TAF5L: variants seen among roughly 807,000 people sequenced by gnomAD.
The protein encoded by TAF5L is TATA-box binding protein associated factor 5 like, also known as TAF5-like RNA polymerase II p300/CBP-associated factor-associated factor 65 kDa subunit 5L.
TAF5L carries 7 observed loss-of-function variants against 51.3 expected under a neutral mutation model. The ratio of observed to expected loss-of-function variants is 0.14; its 90% CI spans 0.08 to 0.26. The LOEUF (loss-of-function observed/expected upper bound fraction) is 0.26. Ranked by LOEUF, TAF5L falls within the 10% of genes least tolerant of loss-of-function variation. The probability of loss-of-function intolerance (pLI) is 1.00; values close to 1 mark genes in which losing one functional copy is unlikely to be tolerated. For synonymous variants in TAF5L, 291 were observed against 308.1 expected (o/e 0.94, Z 0.58); for missense variants, 575 against 758.9 (o/e 0.76, Z 2.85).
intron 3 of TAF5L, among the ~76,000 whole-genome samples, chr1:229,608,099 A>G (rs1664659336): frequency 6.6e-6 from 1 of 152,238 alleles, no homozygotes; most frequent in Non-Finnish European, 1.5e-5. Flanking sequence ...ACAGTAATCA[A>G]TATATAAACC....
intron 1 of TAF5L, among the ~76,000 whole-genome samples, chr1:229,621,093 G>C (rs1317490962): frequency 2.0e-5 from 3 of 152,162 alleles, no homozygotes; most frequent in African/African-American, 7.2e-5. Flanking sequence ...CACAACAGTA[G>C]TCACTGGCCA....
chr1:229,618,793 G>A (rs915328132), intron 1 of TAF5L, among the ~76,000 whole-genome samples: 1 of 152,044 alleles, frequency 6.6e-6, no homozygotes, highest in Non-Finnish European at 1.5e-5. Flanking sequence ...GGTCGGTAGA[G>A]GAGGGCTGGG....
chr1:229,614,215 C>A (rs985538592), intron 2 of TAF5L, 126 bp downstream of exon 2: 6 of 1,512,272 alleles, frequency 4.0e-6, no homozygotes, highest in Non-Finnish European at 5.5e-6. Flanking sequence ...ACGTAGCTCA[C>A]TGAGGTTTTT....
rs1335491398 is a variant in TAF5L at position 229,625,657 on chromosome 1, G to A, written c.-4+228C>T. The stretch of plus-strand genomic sequence containing the variant: ...GCCGCCGACTGCAGGCCACGCCGCC[G>A]GCCGCAGCCCGGGACTCGGGAGGCC... On this transcript the variant is annotated intron_variant, in intron 1 of 4. Coordinates refer to ENST00000258281, the Ensembl canonical transcript of TAF5L. This position sits in a 1 kb window ranked among gnomAD's most constrained non-coding sequence, Gnocchi z 4.0. Among the ~76,000 whole-genome samples, 3 of 150,574 alleles carry A rather than the reference G, an allele frequency of 2.0e-5. No homozygotes were observed. Among genetic ancestry groups the A allele is most frequent in the South Asian group, 2.1e-4 (1 of 4,800 alleles).
exon 3 of TAF5L, chr1:229,610,166 A>C (rs1664736732): frequency 6.2e-7 from 1 of 1,614,156 alleles, no homozygotes; most frequent in East Asian, 2.2e-5. Context: ...TCTGCCTGGC[A>C]AGGGGCTGCA....
chr1:229,594,564 G>C lies in TAF5L; in HGVS notation c.1503C>G (p.Thr501=), dbSNP rs1664046144. Residue 501 remains threonine (T), a synonymous_variant, in exon 5 of 5, where the codon ACC becomes ACG. Coordinates refer to ENST00000258281, the Ensembl canonical transcript of TAF5L. The surrounding 1 kb of genome is among the most constrained non-coding windows in gnomAD (Gnocchi z 7.9). ...TGTGGCCTCTCAACTCTTTATAAAGGGTCCCAGAGGCCAAGTCCCACAGCT... is the reference window on the plus strand; with the variant it reads ...TGTGGCCTCTCAACTCTTTATAAAGCGTCCCAGAGGCCAAGTCCCACAGCT... 6.2e-7 allele frequency: 1 copy of C among 1,613,996 alleles called. No homozygotes were observed. Among genetic ancestry groups the C allele is most frequent in the African/African-American group, 1.3e-5 (1 of 74,916 alleles).
At chr1:229,600,571 C>T (rs1664334089) in intron 4 of TAF5L, 1 of 985,490 alleles carries the variant, frequency 1.0e-6, no homozygotes, top group African/African-American at 1.7e-5. Context: ...TTTGCCACTG[C>T]CACTACCCTA....
intron 1 of TAF5L, among the ~76,000 whole-genome samples, chr1:229,616,159 C>T (rs1033227679): frequency 1.3e-5 from 2 of 151,668 alleles, no homozygotes; most frequent in African/African-American, 4.8e-5. Context: ...GATTACAGGC[C>T]CACGCTACCA....
At position 229,601,690 on chromosome 1, in the gene TAF5L, T is replaced by C. The variant is rs1357530727; in HGVS notation, c.972+505A>G. 21 of 992,028 alleles carry C rather than the reference T, an allele frequency of 2.1e-5. 1 individual carries two copies. The African/African-American group carries it at 2.8e-4, about 13-fold the overall frequency. The allele number at this position is 992,028 out of a possible 1,614,324, so 61.5% of individuals were successfully genotyped here. A position where few individuals can be genotyped will look rare whatever the true frequency, so the allele number is the denominator to read the frequency against. The stretch of plus-strand genomic sequence containing the variant: ...ATATGCACTGGCCTCAGAAAGCCAA[T>C]ACCATCCATCCAGTGTGGTGAGGGT... On this transcript the variant is annotated intron_variant, in intron 4 of 4. Transcript: ENST00000258281.
In TAF5L at chr1:229,594,850, C is replaced by A; in HGVS notation, c.1217G>T (p.Arg406Leu). Residue 406 changes from arginine (R) to leucine (L), a missense_variant, in exon 5 of 5, where the codon CGC (arginine) becomes CTC (leucine). Arg to Leu is a moderately radical substitution (Grantham distance 102). This residue lies in a region of TAF5L where 104 missense variants were observed against 218.3 expected (regional missense o/e 0.48). Transcript: ENST00000258281. This position sits in a 1 kb window ranked among gnomAD's most constrained non-coding sequence, Gnocchi z 7.9. ...ATCAAATGACCACAGCCTGGCGGTGCGGTCGTGGGACCCGCTGGCGAAGTA... is the reference window on the plus strand; with the variant it reads ...ATCAAATGACCACAGCCTGGCGGTGAGGTCGTGGGACCCGCTGGCGAAGTA... 6.2e-7 allele frequency: 1 copy of A among 1,614,218 alleles called. No homozygotes were observed. The highest frequency in any genetic ancestry group is 8.5e-7 in the Non-Finnish European group (1 of 1,180,040).
At chr1:229,603,563 C>T (rs1332022259) in intron 3 of TAF5L, among the ~76,000 whole-genome samples, 1 of 152,172 alleles carries the variant, frequency 6.6e-6, no homozygotes, top group African/African-American at 2.4e-5. Context: ...ACATGACAGC[C>T]TTCATTAACA....
At chr1:229,596,884 C>A (rs1379443450) in intron 4 of TAF5L, among the ~76,000 whole-genome samples, 2 of 152,044 alleles carry the variant, frequency 1.3e-5, no homozygotes, top group Non-Finnish European at 2.9e-5. Flanking sequence ...TTTTTTTCTA[C>A]TTGAAAATAG....
rs530253148 is a variant in TAF5L, at chr1:229,606,796, T to G, written c.247+3310A>C. The G allele has an allele frequency of 2.8e-5, 28 of 985,302 alleles. No individual in the cohort carries two copies. In the Admixed American group the frequency reaches 3.7e-4, roughly 13 times the overall value. 61.0% of individuals were successfully genotyped at this position (985,302 alleles called of 1,614,324 possible). A position where few individuals can be genotyped will look rare whatever the true frequency, so the allele number is the denominator to read the frequency against. The stretch of plus-strand genomic sequence containing the variant: ...CCAGAGGTTGCTTGACTCCAAAGGC[T>G]GTGTTCTTCCCACTACACCTCCTGA... On this transcript the variant is annotated intron_variant, in intron 3 of 4. Transcript: ENST00000258281.
chr1:229,620,197 C>T (rs1217379282), intron 1 of TAF5L, among the ~76,000 whole-genome samples: 1 of 152,076 alleles, frequency 6.6e-6, no homozygotes. Flanking sequence ...GCTACCCCAT[C>T]TTGACTGTTT....
chr1:229,605,882 C>A (rs975310557), intron 3 of TAF5L, among the ~76,000 whole-genome samples: 4 of 152,210 alleles, frequency 2.6e-5, no homozygotes, highest in African/African-American at 9.6e-5. Flanking sequence ...TGGAACAATT[C>A]CTTAAAGTAA....
intron 4 of TAF5L, chr1:229,600,877 CA>C: frequency 1.0e-6 from 1 of 984,832 alleles, no homozygotes; most frequent in Non-Finnish European, 1.2e-6. Context: ...GAATAATCTC[CA>C]AACTCTGTAT....
chr1:229,615,085 T>C (rs1664931191), intron 1 of TAF5L, among the ~76,000 whole-genome samples: 2 of 152,288 alleles, frequency 1.3e-5, no homozygotes, highest in Non-Finnish European at 2.9e-5. Flanking sequence ...TTTTATTTCA[T>C]TTTATTTATT....
intron 3 of TAF5L, among the ~76,000 whole-genome samples, chr1:229,608,389 C>T (rs552235048): frequency 5.7e-4 from 87 of 152,022 alleles, no homozygotes; most frequent in Non-Finnish European, 1.1e-3. Context: ...AGTAAAATGA[C>T]TCTATTATGT....
At position 229,615,289 on chromosome 1, in the gene TAF5L, G is replaced by A. The variant is rs910964976; in HGVS notation, c.-3-804C>T. 3.9e-5 allele frequency among the ~76,000 whole-genome samples: 6 copies of A among 152,126 alleles called. No homozygotes were observed. The South Asian group carries it at 6.2e-4, about 16-fold the overall frequency. ...TTTTTAGTAGAGACGGGGTTTCACCGTGTTAGCCAGGATGGTCTCAATCTC... is the reference window on the plus strand; with the variant it reads ...TTTTTAGTAGAGACGGGGTTTCACCATGTTAGCCAGGATGGTCTCAATCTC... On this transcript the variant is annotated intron_variant, in intron 1 of 4. Transcript: ENST00000258281.
Sources: allele counts gnomAD v4.1 joint callset (sites outside exome capture counted in the v4.1 genomes callset), GRCh38; gene constraint gnomAD v4.1.1; regional missense constraint gnomAD v4.1.1; non-coding constraint Gnocchi (gnomAD v3.1); transcripts MANE v1.5; gene names NCBI Gene and HGNC (gene_info 2026-07-23, HGNC 2026-07-21).